Variants in PSPC1 observed in about 807,000 individuals in gnomAD.
PSPC1 encodes the protein paraspeckle component 1.
Under a neutral mutation model 51.6 loss-of-function variants are expected in PSPC1, and 14 were observed. The ratio of observed to expected loss-of-function variants is 0.27; its 90% confidence interval spans 0.18 to 0.42. The LOEUF (loss-of-function observed/expected upper bound fraction) is 0.42. Among genes scored for constraint, PSPC1 ranks in the 10% least tolerant of loss-of-function variants. PSPC1 has a pLI of 1.00. For synonymous variants in PSPC1, 193 were observed against 231.9 expected (o/e 0.83, Z 1.53); for missense variants, 406 against 701.1 (o/e 0.58, Z 4.75).
downstream of PSPC1, among the ~76,000 whole-genome samples, chr13:19,702,257 G>T (rs1880005049): frequency 6.6e-6 from 1 of 152,162 alleles, no homozygotes; most frequent in African/African-American, 2.4e-5. Context: ...GCAGAGTCAA[G>T]CCATCTTTTA....
At chr13:19,690,839 C>T (rs6490480) in intron 6 of PSPC1, among the ~76,000 whole-genome samples, 139,292 of 152,178 alleles carry the variant, frequency 0.92, 64,978 homozygotes, top group Non-Finnish European at 1. Context: ...ATTCTACCAA[C>T]GTCTATTAAG....
chr13:19,782,586 C>G lies in PSPC1; in HGVS notation c.172G>C (p.Asp58His). 6.3e-7 allele frequency: 1 copy of G among 1,597,342 alleles called. No individual in the cohort carries two copies. Among genetic ancestry groups the G allele is most frequent in the Non-Finnish European group, 8.5e-7 (1 of 1,173,168 alleles). ...PAPAPPEDHP[D>H]EEMGFTIDIK... is the part of the protein sequence containing the mutation. ...TCGATAGTGAACCCCATCTCCTCGT[C>G]CGGGTGGTCCTCTGGAGGCGCGGGC... Residue 58 changes from aspartate to histidine, a missense_variant, in exon 1 of 9, where the codon GAC (aspartate) becomes CAC (histidine). Coordinates refer to ENST00000338910, the MANE Select transcript of PSPC1 (RefSeq NM_001354909.2). This position sits in a 1 kb window ranked among gnomAD's most constrained non-coding sequence, Gnocchi z 4.5.
chr13:19,724,942 T>C (rs1039359018), intron 6 of PSPC1, among the ~76,000 whole-genome samples: 2 of 151,770 alleles, frequency 1.3e-5, no homozygotes, highest in African/African-American at 4.8e-5. Flanking sequence ...GGGGTTGGAG[T>C]GGGCCGAAAT....
chr13:19,677,525 G>A (rs762998379), intron 7 of PSPC1, among the ~76,000 whole-genome samples: 6 of 152,140 alleles, frequency 3.9e-5, no homozygotes, highest in Non-Finnish European at 5.9e-5. Context: ...GGTTTCCTAC[G>A]AAGACAGGCC....
chr13:19,731,713 C>A (rs1439538298), intron 5 of PSPC1, among the ~76,000 whole-genome samples: 1 of 152,196 alleles, frequency 6.6e-6, no homozygotes, highest in Non-Finnish European at 1.5e-5. Context: ...AACACCCCGG[C>A]TGGAACTTCC....
Position 19,704,529 on chromosome 13 carries a change from C to T in PSPC1, c.1386+1133G>A, listed in dbSNP as rs551853667. ...TTTCTTTCTTTCTTAGCAGCATTGG[C>T]GCCTCAAGATTTCATACAGTAGTTT... is the stretch of plus-strand genomic sequence containing the variant. On this transcript the variant is annotated intron_variant, in intron 8 of 8. Transcript: ENST00000338910. Among the ~76,000 whole-genome samples, 25 of 152,390 alleles carry T rather than the reference C, an allele frequency of 1.6e-4. No individual in the cohort carries two copies. In the East Asian group the frequency reaches 2.9e-3, roughly 18 times the overall value.
At chr13:19,696,487 TCACACACACACG>T (rs1324818517) in intron 6 of PSPC1, among the ~76,000 whole-genome samples, 2 of 144,824 alleles carry the variant, frequency 1.4e-5, no homozygotes, top group African/African-American at 2.6e-5. Flanking sequence ...TAGGCCTTTA[TCACACACACACG>T]CACACACACA....
rs1169729244 is a variant in PSPC1 at position 19,782,581 on chromosome 13, C to T, written c.177G>A (p.Glu59=). 1.6e-5 allele frequency: 26 copies of T among 1,602,504 alleles called. No individual in the cohort carries two copies. The highest frequency in any genetic ancestry group is 2.1e-5 in the Non-Finnish European group (25 of 1,175,400). ...APAPPEDHPD[E]EMGFTIDIKS... Reference sequence around the variant, plus strand: ...TGATGTCGATAGTGAACCCCATCTCCTCGTCCGGGTGGTCCTCTGGAGGCG... The same window carrying T: ...TGATGTCGATAGTGAACCCCATCTCTTCGTCCGGGTGGTCCTCTGGAGGCG... Residue 59 remains glutamate, a synonymous_variant, in exon 1 of 9, where the codon GAG becomes GAA. Coordinates refer to ENST00000338910, the MANE Select transcript of PSPC1 (RefSeq NM_001354909.2). This position sits in a 1 kb window ranked among gnomAD's most constrained non-coding sequence, Gnocchi z 4.5.
intron 5 of PSPC1, among the ~76,000 whole-genome samples, chr13:19,740,087 T>C (rs1382032348): frequency 6.6e-6 from 1 of 152,126 alleles, no homozygotes; most frequent in Non-Finnish European, 1.5e-5. Flanking sequence ...CTCACGCCTG[T>C]AATCCCAGCA....
At chr13:19,733,606 CA>C (rs1157267092) in intron 5 of PSPC1, among the ~76,000 whole-genome samples, 1 of 151,534 alleles carries the variant, frequency 6.6e-6, no homozygotes, top group Non-Finnish European at 1.5e-5. Context: ...ACTAAAAATA[CA>C]AAAAAATTAC....
chr13:19,679,008 CT>C (rs1876979372), intron 6 of PSPC1: 1 of 152,246 alleles, frequency 6.6e-6, no homozygotes, highest in South Asian at 2.1e-4. Flanking sequence ...CCAGCCTTGG[CT>C]TCCCAAAGTG....
chr13:19,715,415 T>C (rs945988525), intron 6 of PSPC1, among the ~76,000 whole-genome samples: 1 of 152,202 alleles, frequency 6.6e-6, no homozygotes, highest in African/African-American at 2.4e-5. Flanking sequence ...ATATTTTTCC[T>C]TTAATATTTA....
At chr13:19,689,139 G>A (rs762883469) in intron 6 of PSPC1, among the ~76,000 whole-genome samples, 1 of 152,168 alleles carries the variant, frequency 6.6e-6, no homozygotes, top group South Asian at 2.1e-4. Context: ...CCAGCCAAGA[G>A]CACATCCAAC....
chr13:19,736,515 C>G (rs1324359950), intron 5 of PSPC1, among the ~76,000 whole-genome samples: 1 of 151,898 alleles, frequency 6.6e-6, no homozygotes, highest in Non-Finnish European at 1.5e-5. Flanking sequence ...AACCCCATCT[C>G]TACTAAAAAT....
chr13:19,702,453 A>T (rs1372201439), downstream of PSPC1: 3 of 152,244 alleles, frequency 2.0e-5, no homozygotes, highest in African/African-American at 7.2e-5. Flanking sequence ...ATATGTTTAA[A>T]ACTAGACATT....
chr13:19,755,545 G>A (rs1241502124), intron 3 of PSPC1, among the ~76,000 whole-genome samples: 36 of 150,216 alleles, frequency 2.4e-4, no homozygotes, highest in African/African-American at 8.1e-4. Context: ...CCAAGATCGC[G>A]CCACTGCACT....
intron 6 of PSPC1, among the ~76,000 whole-genome samples, chr13:19,722,968 G>A (rs1389857275): frequency 3.3e-5 from 5 of 152,060 alleles, no homozygotes; most frequent in East Asian, 3.9e-4. Context: ...AAAATTAGCC[G>A]GATGTAGTGG....
At chr13:19,757,039 C>T (rs1437480444) in intron 3 of PSPC1, among the ~76,000 whole-genome samples, 1 of 149,326 alleles carries the variant, frequency 6.7e-6, no homozygotes, top group African/African-American at 2.5e-5. Context: ...CTGAGGCAGG[C>T]GAATTGCTTG....
intron 1 of PSPC1, among the ~76,000 whole-genome samples, chr13:19,773,127 T>A (rs866957717): frequency 6.6e-6 from 1 of 151,778 alleles, no homozygotes; most frequent in South Asian, 2.1e-4. Context: ...GCTACTGCAC[T>A]CCAGCCTGGT....
Sources: gnomAD v4.1 joint callset for allele counts (sites outside exome capture counted in the v4.1 genomes callset) on GRCh38, gnomAD v4.1.1 for gene constraint, Gnocchi (gnomAD v3.1) non-coding constraint, MANE v1.5 for transcripts, NCBI Gene and HGNC (gene_info 2026-07-23, HGNC 2026-07-21) for gene names.